TSC22D4: variants seen among roughly 807,000 people sequenced by gnomAD.
TSC22D4 encodes TSC22 domain family member 4.
TSC22D4 carries 5 observed loss-of-function variants against 24.9 expected under a neutral mutation model. The ratio of observed to expected loss-of-function variants is 0.20; its 90% CI spans 0.10 to 0.42. The LOEUF (loss-of-function observed/expected upper bound fraction) is 0.42. Among genes scored for constraint, TSC22D4 ranks in the 10% least tolerant of loss-of-function variants. The pLI is 1.00. For synonymous variants in TSC22D4, 245 were observed against 243.2 expected (o/e 1.01, Z -0.07); for missense variants, 469 against 547.9 (o/e 0.86, Z 1.44).
intron 2 of TSC22D4, among the ~76,000 whole-genome samples, chr7:100,476,314 G>A (rs925455052): frequency 6.6e-6 from 1 of 151,960 alleles, no homozygotes; most frequent in African/African-American, 2.4e-5. Flanking sequence ...AGTCCTGACC[G>A]GTCCTGACAG....
At position 100,478,310 on chromosome 7, in the gene TSC22D4, G is replaced by A. The variant is rs1373024568; in HGVS notation, c.-269-3C>T. ...AACTCCAGAGCTGAGTTTGCAAACT[G>A]GAAAAAGAGGGGGAGAGAGAGAGAG... On this transcript the variant is annotated splice_polypyrimidine_tract_variant and splice_region_variant and intron_variant, in intron 1 of 4. Transcript: ENST00000300181. The A allele has an allele frequency of 2.7e-6, 1 of 369,310 alleles. No individual in the cohort carries two copies. The highest frequency in any genetic ancestry group is 3.0e-5 in the South Asian group (1 of 33,628). 22.9% of individuals were successfully genotyped at this position (369,310 alleles called of 1,614,324 possible). A position where few individuals can be genotyped will look rare whatever the true frequency, so the allele number is the denominator to read the frequency against.
rs987348926 is a variant in TSC22D4 at position 100,477,196 on chromosome 7, AG to A, written c.762+80del. 180 of 775,340 alleles carry A rather than the reference AG, an allele frequency of 2.3e-4. No individual in the cohort carries two copies. Among genetic ancestry groups the A allele is most frequent in the Middle Eastern group, 4.0e-4 (1 of 2,492 alleles). The allele number at this position is 775,340 out of a possible 1,614,324, so 48.0% of individuals were successfully genotyped here. A position where few individuals can be genotyped will look rare whatever the true frequency, so the allele number is the denominator to read the frequency against. ...TAAAGTGATGGAGAAGGAGGAGGAG[AG>A]GGGGGGGAGGAGGAGGAAGGAGGCT... On this transcript the variant is annotated intron_variant, in intron 2 of 4. Coordinates refer to ENST00000300181, the MANE Select transcript of TSC22D4 (RefSeq NM_030935.5). The surrounding 1 kb of genome is among the most constrained non-coding windows in gnomAD (Gnocchi z 7.8).
At chr7:100,476,136 G>A (rs577693968) in intron 2 of TSC22D4, among the ~76,000 whole-genome samples, 1 of 151,718 alleles carries the variant, frequency 6.6e-6, no homozygotes, top group South Asian at 2.1e-4. Flanking sequence ...TGGAGGCCAA[G>A]GGGGTTTGCT....
chr7:100,468,818 T>A (rs117948316), intron 3 of TSC22D4, among the ~76,000 whole-genome samples: 2,638 of 151,800 alleles, frequency 0.017, 39 homozygotes, highest in Non-Finnish European at 0.026. Context: ...GTGCCAGCAA[T>A]TCCAGCTACT....
intron 3 of TSC22D4, among the ~76,000 whole-genome samples, chr7:100,471,017 G>C (rs1412382256): frequency 6.6e-6 from 1 of 152,090 alleles, no homozygotes; most frequent in Non-Finnish European, 1.5e-5. Flanking sequence ...CAAATAAAAC[G>C]GCCTCAACAT....
In TSC22D4 at chr7:100,474,345, T is replaced by A. The variant is rs746795292; in HGVS notation, c.858A>T (p.Val286=). Residue 286 remains valine, a synonymous_variant, in exon 3 of 5, where the codon GTA becomes GTT. Transcript: ENST00000300181. This position sits in a 1 kb window ranked among gnomAD's most constrained non-coding sequence, Gnocchi z 4.3. ...GGGCCAGGCTGAACTTCTGAGCTGCTACTGCTCCGAAGGGGTCTGGAGATT... is the reference window on the plus strand; with the variant it reads ...GGGCCAGGCTGAACTTCTGAGCTGCAACTGCTCCGAAGGGGTCTGGAGATT... ...VHKSPDPFGA[V]AAQKFSLAHS... 1.2e-6 allele frequency: 2 copies of A among 1,614,118 alleles called. No individual in the cohort carries two copies. Among genetic ancestry groups the A allele is most frequent in the East Asian group, 4.5e-5 (2 of 44,882 alleles).
intron 3 of TSC22D4, among the ~76,000 whole-genome samples, chr7:100,471,378 G>A (rs900887055): frequency 4.6e-5 from 7 of 152,178 alleles, no homozygotes; most frequent in Non-Finnish European, 7.4e-5. Flanking sequence ...TGTGGCTTTG[G>A]AGTTGGACCC....
chr7:100,468,246 G>A (rs898877512), intron 3 of TSC22D4, among the ~76,000 whole-genome samples: 15 of 152,122 alleles, frequency 9.9e-5, no homozygotes, highest in Non-Finnish European at 2.2e-4. Context: ...ACCAATCCCA[G>A]AGTGGAGGGG....
intron 1 of TSC22D4, 70 bp downstream of exon 1, chr7:100,478,724 C>G (rs1385420862): frequency 6.6e-6 from 1 of 152,638 alleles, no homozygotes; most frequent in Non-Finnish European, 1.5e-5. Flanking sequence ...ACCCTCACCC[C>G]AGCTCCCACA....
At chr7:100,475,712 G>A (rs758970248) in intron 2 of TSC22D4, among the ~76,000 whole-genome samples, 5 of 151,410 alleles carry the variant, frequency 3.3e-5, no homozygotes, top group Non-Finnish European at 5.9e-5. Flanking sequence ...GGGAGGCGGA[G>A]CCTGGGCGTG....
At chr7:100,471,112 G>A (rs184787311) in intron 3 of TSC22D4, among the ~76,000 whole-genome samples, 1 of 152,230 alleles carries the variant, frequency 6.6e-6, no homozygotes, top group Admixed American at 6.5e-5. Context: ...ACACTCTCCA[G>A]TGGGTTCAGG....
chr7:100,475,676 G>A (rs868763327), intron 2 of TSC22D4, among the ~76,000 whole-genome samples: 7 of 151,822 alleles, frequency 4.6e-5, no homozygotes, highest in Admixed American at 1.3e-4. Context: ...CCTAGGGTTG[G>A]GGGGGGAGCT....
rs1799452501 is a variant in TSC22D4, at chr7:100,474,409, G to A, written c.794C>T (p.Pro265Leu). 2.5e-6 allele frequency: 4 copies of A among 1,613,866 alleles called. No homozygotes were observed. The highest frequency in any genetic ancestry group is 1.7e-4 in the Middle Eastern group (1 of 6,060). ...GGCATCGTGGGTGAAGTAGAGGGCT[G>A]GGGAGCTGGGGCGAGAGTCAAGTGG... Reference protein sequence around the residue: ...VPPLDSRPSSPALYFTHDASL... With the variant: ...VPPLDSRPSSLALYFTHDASL... Residue 265 changes from proline to leucine, a missense_variant, in exon 3 of 5, where the codon CCA (proline) becomes CTA (leucine). Coordinates refer to ENST00000300181, the MANE Select transcript of TSC22D4 (RefSeq NM_030935.5). The surrounding 1 kb of genome is among the most constrained non-coding windows in gnomAD (Gnocchi z 4.3).
intron 3 of TSC22D4, among the ~76,000 whole-genome samples, chr7:100,468,798 G>A (rs1799338269): frequency 6.6e-6 from 1 of 151,912 alleles, no homozygotes; most frequent in Non-Finnish European, 1.5e-5. Flanking sequence ...TTAGCCAGGC[G>A]TGGTGGAGGG....
chr7:100,471,274 G>A (rs1799386772), intron 3 of TSC22D4, among the ~76,000 whole-genome samples: 2 of 152,128 alleles, frequency 1.3e-5, no homozygotes, highest in South Asian at 4.1e-4. Context: ...TGGGAGAGCT[G>A]TACCTGACTG....
Position 100,477,624 on chromosome 7 carries a change from TG to T in TSC22D4, c.414del (p.Thr139ProfsTer78). The stretch of plus-strand genomic sequence containing the variant: ...CCCTGAGACAGGCCTGACGGTGGGG[TG>T]GGGGCGCCCAGGCCGAGGCTGGCCA... ...LELASLGLGA[P>X]TPPSGLSQGP... is the part of the protein sequence containing the mutation. On this transcript the variant is annotated frameshift_variant, in exon 2 of 5. Coordinates refer to ENST00000300181, the MANE Select transcript of TSC22D4 (RefSeq NM_030935.5). LOFTEE classifies it high-confidence loss of function. This position sits in a 1 kb window ranked among gnomAD's most constrained non-coding sequence, Gnocchi z 7.8. 6.3e-7 allele frequency: 1 copy of T among 1,595,536 alleles called. No individual in the cohort carries two copies.
rs371227712 is a variant in TSC22D4, at chr7:100,474,225, G to C, written c.929+49C>G. The stretch of plus-strand genomic sequence containing the variant: ...TTTCTTACAGCTACCCCGGGTGCTG[G>C]GCGGGGAACCTGAACCCCACGCCCC... On this transcript the variant is annotated intron_variant, in intron 3 of 4. Transcript: ENST00000300181. The surrounding 1 kb of genome is among the most constrained non-coding windows in gnomAD (Gnocchi z 4.3). 30 of 1,600,170 alleles carry C rather than the reference G, an allele frequency of 1.9e-5. No individual in the cohort carries two copies. In the African/African-American group the frequency reaches 3.6e-4, roughly 19 times the overall value.
intron 3 of TSC22D4, among the ~76,000 whole-genome samples, chr7:100,471,565 C>A (rs867599687): frequency 3.4e-4 from 51 of 152,048 alleles, no homozygotes; most frequent in African/African-American, 1.0e-3. Context: ...CATGGTGAAA[C>A]CCCGTTTCTA....
intron 1 of TSC22D4, 98 bp from the exon 2 acceptor site, chr7:100,478,405 C>T (rs1470703088): frequency 7.5e-6 from 1 of 133,176 alleles, no homozygotes; most frequent in African/African-American, 4.7e-5. Context: ...GTGTGTGAAA[C>T]CAGTGGGCAG....
Sources: gnomAD v4.1 joint callset for allele counts (sites outside exome capture counted in the v4.1 genomes callset) on GRCh38, gnomAD v4.1.1 for gene constraint, Gnocchi (gnomAD v3.1) non-coding constraint, MANE v1.5 for transcripts, NCBI Gene and HGNC (gene_info 2026-07-23, HGNC 2026-07-21) for gene names.